TMEM132D: variants seen among roughly 807,000 people sequenced by gnomAD.
TMEM132D encodes the protein transmembrane protein 132D, also known as mature OL transmembrane protein.
TMEM132D carries 21 observed loss-of-function variants against 62.3 expected under a neutral mutation model. That is an observed-to-expected ratio of 0.34 (90% confidence interval 0.24 to 0.49). The LOEUF is 0.49. TMEM132D is among the 20% of genes least tolerant of loss of function. The probability of loss-of-function intolerance (pLI) is 0.99; values close to 1 mark genes in which losing one functional copy is unlikely to be tolerated. For synonymous variants in TMEM132D, 621 were observed against 575.6 expected, an observed-to-expected ratio of 1.08 and a Z score of -1.13; for missense variants, 1,346 against 1,402.8, an observed-to-expected ratio of 0.96 and a Z score of 0.65.
intron 4 of TMEM132D, among the ~76,000 whole-genome samples, chr12:129,326,162 G>T (rs3850005): frequency 0.26 from 39,810 of 152,048 alleles, 5,336 homozygotes; most frequent in South Asian, 0.29. Context: ...ACTCTCCATG[G>T]GGTGACATAT....
chr12:129,893,923 G>A (rs2030552505), intron 1 of TMEM132D, among the ~76,000 whole-genome samples: 1 of 152,182 alleles, frequency 6.6e-6, no homozygotes, highest in Admixed American at 6.5e-5. Context: ...TCGAAGGGGA[G>A]CATGATTTTC....
chr12:129,320,603 TC>T (rs1868667500), intron 4 of TMEM132D, among the ~76,000 whole-genome samples: 1 of 152,148 alleles, frequency 6.6e-6, no homozygotes, highest in African/African-American at 2.4e-5. Context: ...TGGTGTCTCA[TC>T]TAAGAGCCAA....
chr12:129,158,009 C>A (rs1263879962), intron 5 of TMEM132D, among the ~76,000 whole-genome samples: 1 of 152,066 alleles, frequency 6.6e-6, no homozygotes, highest in African/African-American at 2.4e-5. Flanking sequence ...AGTAGGGCAA[C>A]ATCATGAAGC....
intron 3 of TMEM132D, among the ~76,000 whole-genome samples, chr12:129,360,602 C>A (rs904042282): frequency 1.4e-4 from 21 of 152,110 alleles, no homozygotes; most frequent in Non-Finnish European, 2.5e-4. Flanking sequence ...ATCTGATCAC[C>A]CAGCTGGGGG....
At chr12:129,362,272 T>A (rs1870271900) in intron 3 of TMEM132D, among the ~76,000 whole-genome samples, 1 of 151,984 alleles carries the variant, frequency 6.6e-6, no homozygotes, top group African/African-American at 2.4e-5. Flanking sequence ...TACCTATTAA[T>A]CCTGGTTAAA....
At chr12:129,345,672 T>C (rs1033810898) in intron 3 of TMEM132D, among the ~76,000 whole-genome samples, 4 of 152,142 alleles carry the variant, frequency 2.6e-5, no homozygotes, top group African/African-American at 9.7e-5. Context: ...GCAGCAGGTG[T>C]GTGCATGTTT....
chr12:129,814,894 C>T (rs1000458209), intron 1 of TMEM132D, among the ~76,000 whole-genome samples: 4 of 152,140 alleles, frequency 2.6e-5, no homozygotes, highest in African/African-American at 4.8e-5. Flanking sequence ...TCAGCTTAAA[C>T]GTTGCCTTCA....
chr12:129,138,786 A>G (rs990799631), intron 5 of TMEM132D, among the ~76,000 whole-genome samples: 7 of 152,218 alleles, frequency 4.6e-5, no homozygotes, highest in Non-Finnish European at 1.0e-4. Context: ...AGCAAAAACA[A>G]GCTGACAAAT....
At chr12:129,579,224 T>A (rs1380678926) in intron 2 of TMEM132D, among the ~76,000 whole-genome samples, 1 of 152,236 alleles carries the variant, frequency 6.6e-6, no homozygotes, top group East Asian at 1.9e-4. Flanking sequence ...TGGGCAATAT[T>A]GCCACAAGAG....
rs866781545 is a variant in TMEM132D, at chr12:129,466,324, T to A, written c.1115+64735A>T. Among the ~76,000 whole-genome samples the A allele has an allele frequency of 4.1e-3, 409 of 100,726 alleles. 2 individuals are homozygous for A. Among genetic ancestry groups the A allele is most frequent in the African/African-American group, 0.016 (391 of 24,914 alleles). The allele number at this position is 100,726 out of a possible 152,430, so 66.1% of individuals were successfully genotyped here. ...TTTTTTTTTTTTTTTTTTTTTTTTT[T>A]AGAGATGTGGTCTCACTCTGTCACA... On this transcript the variant is annotated intron_variant, in intron 3 of 8. Coordinates refer to ENST00000422113, the MANE Select transcript of TMEM132D (RefSeq NM_133448.3).
intron 1 of TMEM132D, among the ~76,000 whole-genome samples, chr12:129,811,991 G>A (rs1306749934): frequency 6.6e-6 from 1 of 151,770 alleles, no homozygotes; most frequent in Non-Finnish European, 1.5e-5. Context: ...GCTGAGCAGA[G>A]ACCCAGCTGA....
At chr12:129,870,968 C>T (rs1874221534) in intron 1 of TMEM132D, among the ~76,000 whole-genome samples, 1 of 152,058 alleles carries the variant, frequency 6.6e-6, no homozygotes, top group African/African-American at 2.4e-5. Context: ...TCAGAGCTGA[C>T]ATTAGAACAC....
chr12:129,585,957 T>C lies in TMEM132D; in HGVS notation c.969-54752A>G, dbSNP rs549595120. On this transcript the variant is annotated intron_variant, in intron 2 of 8. Coordinates refer to ENST00000422113, the MANE Select transcript of TMEM132D (RefSeq NM_133448.3). ...ACATAATAGAGAAAGATTCATCCTA[T>C]TATATGTCAAAATGCACTGCAGAAT... Among the ~76,000 whole-genome samples, 7 of 152,230 alleles carry C rather than the reference T, an allele frequency of 4.6e-5. No homozygotes were observed. The East Asian group carries it at 1.4e-3, about 29-fold the overall frequency.
chr12:129,529,076 G>A (rs1048122996), intron 3 of TMEM132D, among the ~76,000 whole-genome samples: 4 of 152,222 alleles, frequency 2.6e-5, no homozygotes. Flanking sequence ...GTGTGTGTGT[G>A]TGTCTGTATG....
chr12:129,716,058 G>A (rs756683506), intron 1 of TMEM132D, among the ~76,000 whole-genome samples: 12 of 152,194 alleles, frequency 7.9e-5, no homozygotes, highest in Non-Finnish European at 1.6e-4. Context: ...GGTAGAAAGC[G>A]GTAGATAAAT....
intron 5 of TMEM132D, among the ~76,000 whole-genome samples, chr12:129,146,061 A>T (rs776154748): frequency 7.1e-6 from 1 of 140,212 alleles, no homozygotes; most frequent in Non-Finnish European, 1.5e-5. Context: ...CATAACCATC[A>T]CCTCCCATAC....
At chr12:129,503,128 C>T (rs1875207938) in intron 3 of TMEM132D, among the ~76,000 whole-genome samples, 1 of 152,168 alleles carries the variant, frequency 6.6e-6, no homozygotes, top group East Asian at 1.9e-4. Context: ...TTTATAACCT[C>T]GCAGTAAGAA....
At chr12:129,539,030 G>A (rs1876504860) in intron 2 of TMEM132D, among the ~76,000 whole-genome samples, 1 of 151,226 alleles carries the variant, frequency 6.6e-6, no homozygotes, top group Non-Finnish European at 1.5e-5. Flanking sequence ...AAGTGATCCT[G>A]GAGCTGAGTC....
chr12:129,885,710 T>G (rs1874730737), intron 1 of TMEM132D, among the ~76,000 whole-genome samples: 2 of 152,236 alleles, frequency 1.3e-5, no homozygotes, highest in South Asian at 4.1e-4. Context: ...TTTCAATAGT[T>G]GCTAAGGATG....
Sources: gnomAD v4.1 joint callset for allele counts (sites outside exome capture counted in the v4.1 genomes callset) on GRCh38, gnomAD v4.1.1 for gene constraint, MANE v1.5 for transcripts, NCBI Gene and HGNC (gene_info 2026-07-23, HGNC 2026-07-21) for gene names.